The following TNR variants were observed in gnomAD, a reference collection of about 807,000 sequenced individuals.
TNR encodes tenascin R.
A neutral mutation model predicts 150.4 loss-of-function variants in TNR; 45 were observed. The observed-to-expected ratio is 0.30, with a 90% CI of 0.24 to 0.38. The LOEUF is 0.38. Among genes scored for constraint, TNR ranks in the 10% least tolerant of loss-of-function variants. The probability of loss-of-function intolerance (pLI) is 1.00; values close to 1 mark genes in which losing one functional copy is unlikely to be tolerated. For synonymous variants in TNR, 687 were observed against 678.4 expected, an observed-to-expected ratio of 1.01 and a Z score of -0.20; for missense variants, 1,544 against 1,759.1, an observed-to-expected ratio of 0.88 and a Z score of 2.19.
At chr1:175,565,085 A>G (rs1419698737) in intron 1 of TNR, among the ~76,000 whole-genome samples, 1 of 152,248 alleles carries the variant, frequency 6.6e-6, no homozygotes, top group East Asian at 1.9e-4. Flanking sequence ...AAATGTTTTA[A>G]ATGGTTCAGC....
At chr1:175,694,699 G>A (rs1666460186) in intron 1 of TNR, among the ~76,000 whole-genome samples, 1 of 152,182 alleles carries the variant, frequency 6.6e-6, no homozygotes, top group African/African-American at 2.4e-5. Context: ...AAGTTAAAGT[G>A]AGAACATTAG....
chr1:175,406,292 G>C lies in TNR; in HGVS notation c.423C>G (p.Ile141Met), dbSNP rs1215247478. The C allele has an allele frequency of 6.2e-7, 1 of 1,614,130 alleles. No homozygotes were observed. Among genetic ancestry groups the C allele is most frequent in the East Asian group, 2.2e-5 (1 of 44,874 alleles). Residue 141 changes from isoleucine (I) to methionine (M), a missense_variant, in exon 3 of 23, where the codon ATC becomes ATG. Transcript: ENST00000367674. Reference protein sequence around the residue: ...AQVLQELLSRIEMLEREVSVL... With the variant: ...AQVLQELLSRMEMLEREVSVL... ...CCGACACCTCCCTCTCCAGCATCTC[G>C]ATCCGGCTCAGCAGCTCCTGCAGCA...
rs552724416 is a variant in TNR, at chr1:175,522,311, T to G, written c.-64+5958A>C. Among the ~76,000 whole-genome samples, 376 of 152,324 alleles carry G rather than the reference T, an allele frequency of 2.5e-3. 1 individual carries two copies. The highest frequency in any genetic ancestry group is 4.4e-3 in the Non-Finnish European group (298 of 68,026). ...AACTCATGGCCAAAGTCTTTTGGTT[T>G]GAAACATCGTATGTTCTCACTCATA... On this transcript the variant is annotated intron_variant, in intron 2 of 22. Transcript: ENST00000367674.
At chr1:175,638,394 C>G (rs1314535668) in intron 1 of TNR, among the ~76,000 whole-genome samples, 1 of 152,190 alleles carries the variant, frequency 6.6e-6, no homozygotes, top group Non-Finnish European at 1.5e-5. Context: ...ATGTCAGGCT[C>G]TCTCTCATTC....
intron 18 of TNR, among the ~76,000 whole-genome samples, chr1:175,349,698 A>G (rs1287453015): frequency 6.6e-6 from 1 of 152,164 alleles, no homozygotes; most frequent in African/African-American, 2.4e-5. Context: ...GGAGATTGAC[A>G]TGGGTGGTAT....
At chr1:175,555,100 A>G (rs1661099747) in intron 1 of TNR, among the ~76,000 whole-genome samples, 1 of 152,210 alleles carries the variant, frequency 6.6e-6, no homozygotes, top group Admixed American at 6.5e-5. Flanking sequence ...AGCTCAAGAA[A>G]GCCAAAAAAG....
chr1:175,437,622 G>A (rs1448155602), intron 2 of TNR, among the ~76,000 whole-genome samples: 1 of 152,158 alleles, frequency 6.6e-6, no homozygotes, highest in Non-Finnish European at 1.5e-5. Context: ...AAAATTGATA[G>A]ACCGCTAGCA....
At chr1:175,663,018 C>T (rs1032680311) in intron 1 of TNR, among the ~76,000 whole-genome samples, 16 of 152,302 alleles carry the variant, frequency 1.1e-4, no homozygotes, top group South Asian at 2.1e-4. Flanking sequence ...AAGGATTACA[C>T]GAGATAATTC....
chr1:175,385,178 C>G (rs867377345), intron 8 of TNR, among the ~76,000 whole-genome samples: 6 of 152,294 alleles, frequency 3.9e-5, no homozygotes, highest in Middle Eastern at 3.4e-3. Flanking sequence ...GACTGAGAAT[C>G]CAGAAGACAG....
intron 2 of TNR, among the ~76,000 whole-genome samples, chr1:175,474,160 A>G (rs903697072): frequency 6.6e-6 from 1 of 152,140 alleles, no homozygotes; most frequent in Non-Finnish European, 1.5e-5. Context: ...AGTGGACACA[A>G]TGGGGAGAAG....
At chr1:175,331,029 CTT>C (rs761886290) in intron 20 of TNR, among the ~76,000 whole-genome samples, 85 of 68,140 alleles carry the variant, frequency 1.2e-3, no homozygotes, top group Middle Eastern at 6.0e-3. Context: ...TTCTTTCTTT[CTT>C]TCTTTCTTTC....
chr1:175,629,161 C>G (rs534926173), intron 1 of TNR, among the ~76,000 whole-genome samples: 16 of 152,282 alleles, frequency 1.1e-4, no homozygotes, highest in African/African-American at 3.8e-4. Flanking sequence ...CTGATCTTGT[C>G]TCTCTGCTTT....
At chr1:175,716,417 GGCACCCAGGCTT>G (rs545494041) in intron 1 of TNR, among the ~76,000 whole-genome samples, 67 of 152,192 alleles carry the variant, frequency 4.4e-4, no homozygotes, top group African/African-American at 1.6e-3. Flanking sequence ...TCCTGTGAAG[GGCACCCAGGCTT>G]GCATTCTAGT....
Position 175,406,778 on chromosome 1 carries a change from C to G in TNR, c.-63-1G>C. ...GCACACAGCATGGAGTTGTGGGAAT[C>G]TGCAACGGAAACCAAGGAAAGAGAC... is the stretch of plus-strand genomic sequence containing the variant. On this transcript the variant is annotated splice_acceptor_variant, in intron 2 of 22. Coordinates refer to ENST00000367674, the MANE Select transcript of TNR (RefSeq NM_003285.3). LOFTEE classifies it low-confidence loss of function (5UTR_SPLICE). 1 of 1,568,976 alleles carries G rather than the reference C, an allele frequency of 6.4e-7. No homozygotes were observed. The highest frequency in any genetic ancestry group is 8.6e-7 in the Non-Finnish European group (1 of 1,158,414).
intron 2 of TNR, among the ~76,000 whole-genome samples, chr1:175,422,287 G>T (rs1395760914): frequency 6.6e-6 from 1 of 152,064 alleles, no homozygotes; most frequent in Non-Finnish European, 1.5e-5. Context: ...CCCCTGGAGG[G>T]TCCCTAGAGG....
intron 2 of TNR, among the ~76,000 whole-genome samples, chr1:175,520,927 G>A (rs1276553527): frequency 6.6e-6 from 1 of 152,086 alleles, no homozygotes; most frequent in Non-Finnish European, 1.5e-5. Context: ...GCATTCCATT[G>A]TGGATAAACA....
intron 2 of TNR, among the ~76,000 whole-genome samples, chr1:175,458,262 A>G (rs146487419): frequency 8.7e-4 from 133 of 152,312 alleles, no homozygotes; most frequent in Non-Finnish European, 1.5e-4. Flanking sequence ...ATTACTGTGT[A>G]AACCATTATG....
chr1:175,459,094 T>C (rs945877006), intron 2 of TNR, among the ~76,000 whole-genome samples: 14 of 150,710 alleles, frequency 9.3e-5, no homozygotes, highest in African/African-American at 2.4e-4. Flanking sequence ...TCATTACTAA[T>C]ACCACCAATA....
intron 2 of TNR, among the ~76,000 whole-genome samples, chr1:175,523,388 A>AAAATTCAATT (rs1214663533): frequency 7.2e-4 from 109 of 152,386 alleles, no homozygotes; most frequent in African/African-American, 2.3e-3. Flanking sequence ...GAAGCCCTTG[A>AAAATTCAATT]AAATTCAATT....
Sources: allele counts gnomAD v4.1 joint callset (sites outside exome capture counted in the v4.1 genomes callset), GRCh38; gene constraint gnomAD v4.1.1; transcripts MANE v1.5; gene names NCBI Gene and HGNC (gene_info 2026-07-23, HGNC 2026-07-21).